The following CELF4 variants were observed in gnomAD, a reference collection of about 807,000 sequenced individuals.
The protein encoded by CELF4 is CUGBP Elav-like family member 4.
CELF4 carries 18 observed loss-of-function variants against 59.9 expected under a neutral mutation model. The ratio of observed to expected loss-of-function variants is 0.30; its 90% CI spans 0.21 to 0.45. CELF4 has a LOEUF of 0.45. Ranked by LOEUF, CELF4 falls within the 20% of genes least tolerant of loss-of-function variation. The probability of loss-of-function intolerance (pLI) is 1.00; values close to 1 mark genes in which losing one functional copy is unlikely to be tolerated. For missense variants in CELF4, 456 were observed against 689.0 expected (o/e 0.66, Z 3.79); for synonymous variants, 261 against 267.1 (o/e 0.98, Z 0.22).
intron 2 of CELF4, among the ~76,000 whole-genome samples, chr18:37,329,443 G>A (rs1474704675): frequency 1.3e-5 from 2 of 152,222 alleles, no homozygotes; most frequent in Admixed American, 6.5e-5. Context: ...ACCCACAGTG[G>A]ACAGGAAACT....
At chr18:37,545,103 C>G (rs1960667965) in intron 1 of CELF4, among the ~76,000 whole-genome samples, 1 of 152,192 alleles carries the variant, frequency 6.6e-6, no homozygotes, top group Non-Finnish European at 1.5e-5. Flanking sequence ...TGGGAAGGGT[C>G]AGGGTCTGGC....
chr18:37,279,523 A>G (rs1044159998), intron 3 of CELF4, among the ~76,000 whole-genome samples: 5 of 152,196 alleles, frequency 3.3e-5, no homozygotes, highest in Admixed American at 3.3e-4. Context: ...CAAGGGGAGC[A>G]AGCATGTTCT....
chr18:37,446,677 T>C (rs991021138), intron 2 of CELF4, among the ~76,000 whole-genome samples: 18 of 152,170 alleles, frequency 1.2e-4, no homozygotes, highest in African/African-American at 4.3e-4. Flanking sequence ...TCATTTATTC[T>C]TTGGTTCCCA....
intron 1 of CELF4, among the ~76,000 whole-genome samples, chr18:37,517,482 G>C (rs547002069): frequency 5.9e-5 from 9 of 152,250 alleles, no homozygotes; most frequent in African/African-American, 1.9e-4. Context: ...TCAGCCCACT[G>C]CTTGGATGGT....
intron 1 of CELF4, among the ~76,000 whole-genome samples, chr18:37,488,102 C>G (rs541684048): frequency 3.0e-4 from 46 of 152,248 alleles, no homozygotes; most frequent in South Asian, 6.2e-4. Flanking sequence ...GAACGGCACC[C>G]CCACCCCACC....
intron 3 of CELF4, among the ~76,000 whole-genome samples, chr18:37,308,480 G>A (rs915451640): frequency 6.6e-6 from 1 of 152,136 alleles, no homozygotes; most frequent in African/African-American, 2.4e-5. Flanking sequence ...CATGCAGGAT[G>A]TGCTGTCTCC....
At position 37,331,681 on chromosome 18, in the gene CELF4, A is replaced by C. The variant is rs549292002; in HGVS notation, c.370-9800T>G. Among the ~76,000 whole-genome samples, 30 of 151,250 alleles carry C rather than the reference A, an allele frequency of 2.0e-4. No individual in the cohort carries two copies. The South Asian group carries it at 6.3e-3, about 32-fold the overall frequency. ...TTCTGTTGACCTCATGACAGGGCTC[A>C]CATCCTTCAGTCCTTCCTGAAACCT... On this transcript the variant is annotated intron_variant, in intron 2 of 12. Transcript: ENST00000420428.
Position 37,257,371 on chromosome 18 carries a change from CTG to C in CELF4, c.1333+1808_1333+1809del, listed in dbSNP as rs540991384. On this transcript the variant is annotated intron_variant, in intron 11 of 12. Coordinates refer to ENST00000420428, the MANE Select transcript of CELF4 (RefSeq NM_020180.4). ...CAGCTTGTTGTTTTTACATACATAACTGTAATTCATAAGGAGAAATACCAAAG... is the reference window on the plus strand; with the variant it reads ...CAGCTTGTTGTTTTTACATACATAACTAATTCATAAGGAGAAATACCAAAG... 9.2e-5 allele frequency among the ~76,000 whole-genome samples: 14 copies of C among 152,304 alleles called. No homozygotes were observed. The South Asian group carries it at 2.3e-3, about 25-fold the overall frequency.
At chr18:37,351,608 CTTCT>C (rs1215438240) in intron 2 of CELF4, among the ~76,000 whole-genome samples, 7 of 89,846 alleles carry the variant, frequency 7.8e-5, no homozygotes, top group African/African-American at 1.2e-4. Flanking sequence ...TTTTCTTCTT[CTTCT>C]TTTTTTTTTT....
At chr18:37,251,231 T>C (rs888691702) in intron 12 of CELF4, among the ~76,000 whole-genome samples, 5 of 152,170 alleles carry the variant, frequency 3.3e-5, no homozygotes, top group African/African-American at 9.7e-5. Flanking sequence ...CAGTGCCTGG[T>C]GCATGGTAAG....
At chr18:37,266,465 C>G in intron 9 of CELF4, 68 bp downstream of exon 9, 1 of 1,427,962 alleles carries the variant, frequency 7.0e-7, no homozygotes, top group South Asian at 1.2e-5. Flanking sequence ...TGAGGGGGCA[C>G]TGGTGTCACA....
At chr18:37,311,788 C>CAAAAAA (rs36044643) in intron 3 of CELF4, among the ~76,000 whole-genome samples, 1 of 100,246 alleles carries the variant, frequency 1.0e-5, no homozygotes, top group African/African-American at 3.9e-5. Flanking sequence ...GACTCCGTCT[C>CAAAAAA]AAAAAAAAAA....
At chr18:37,429,299 T>C (rs1437937115) in intron 2 of CELF4, among the ~76,000 whole-genome samples, 2 of 152,044 alleles carry the variant, frequency 1.3e-5, no homozygotes, top group Non-Finnish European at 2.9e-5. Flanking sequence ...GGAAGGTGCA[T>C]GTGTAAGTCT....
rs1332643887 is a variant in CELF4 at position 37,381,150 on chromosome 18, CCAT to C, written c.370-59272_370-59270del. On this transcript the variant is annotated intron_variant, in intron 2 of 12. Transcript: ENST00000420428. ...TCCATCCATCCATCCATCCATCCATCCATCCACCTACCATTCATCCACTCAACA... is the reference window on the plus strand; with the variant it reads ...TCCATCCATCCATCCATCCATCCATCCCACCTACCATTCATCCACTCAACA... Among the ~76,000 whole-genome samples, 307 of 152,300 alleles carry C rather than the reference CCAT, an allele frequency of 2.0e-3. 2 individuals carry two copies. The highest frequency in any genetic ancestry group is 7.0e-3 in the African/African-American group (290 of 41,554).
At chr18:37,564,190 CTT>C in intron 1 of CELF4, among the ~76,000 whole-genome samples, 1 of 152,190 alleles carries the variant, frequency 6.6e-6, no homozygotes, top group East Asian at 1.9e-4. Flanking sequence ...CCCCGTGCTC[CTT>C]CCCTGCCTGG....
intron 1 of CELF4, among the ~76,000 whole-genome samples, chr18:37,508,315 C>G (rs2099940483): frequency 6.6e-6 from 1 of 152,186 alleles, no homozygotes; most frequent in African/African-American, 2.4e-5. Flanking sequence ...GGAATCAGGA[C>G]ATGGGATGAG....
At chr18:37,387,325 C>T (rs993916684) in intron 2 of CELF4, among the ~76,000 whole-genome samples, 4 of 152,216 alleles carry the variant, frequency 2.6e-5, no homozygotes, top group Middle Eastern at 3.2e-3. Flanking sequence ...ACCAGCAGAG[C>T]AGCAAGGGGC....
At chr18:37,475,072 C>T (rs1179603267) in intron 2 of CELF4, among the ~76,000 whole-genome samples, 2 of 152,182 alleles carry the variant, frequency 1.3e-5, no homozygotes, top group Non-Finnish European at 2.9e-5. Context: ...CTCTAGAGTC[C>T]CAGTGGGGTT....
intron 2 of CELF4, among the ~76,000 whole-genome samples, chr18:37,443,580 T>C (rs765860133): frequency 5.3e-5 from 8 of 152,118 alleles, no homozygotes; most frequent in Admixed American, 4.6e-4. Flanking sequence ...GGTGGAGGCT[T>C]TCATCCCTGA....
Sources: allele counts gnomAD v4.1 joint callset (sites outside exome capture counted in the v4.1 genomes callset), GRCh38; gene constraint gnomAD v4.1.1; transcripts MANE v1.5; gene names NCBI Gene and HGNC (gene_info 2026-07-23, HGNC 2026-07-21).